Variants in LIMCH1 observed in about 807,000 individuals in gnomAD.
LIMCH1 encodes the protein LIM and calponin homology domains-containing protein 1.
A neutral mutation model predicts 176.5 loss-of-function variants in LIMCH1; 113 were observed. The observed-to-expected ratio is 0.64, with a 90% CI of 0.55 to 0.75. The LOEUF is 0.75. LIMCH1 is among the 30% of genes least tolerant of loss of function. LIMCH1 has a pLI of 0.00. For missense variants in LIMCH1, 1,674 were observed against 1,814.9 expected, an observed-to-expected ratio of 0.92 and a Z score of 1.41; for synonymous variants, 619 against 645.9, an observed-to-expected ratio of 0.96 and a Z score of 0.63.
At chr4:41,677,055 C>T (rs1056146114) in intron 23 of LIMCH1, among the ~76,000 whole-genome samples, 3 of 151,544 alleles carry the variant, frequency 2.0e-5, no homozygotes, top group Non-Finnish European at 4.4e-5. Flanking sequence ...TCCTGCTACT[C>T]GGGAGGTTGA....
intron 19 of LIMCH1, chr4:41,662,009 A>T (rs2094641884): frequency 3.4e-6 from 1 of 296,310 alleles, no homozygotes; most frequent in Non-Finnish European, 6.6e-6. Flanking sequence ...CTTGTTCCTC[A>T]ATATTTTTTT....
chr4:41,363,420 TTTTC>T (rs761729884), intron 1 of LIMCH1, among the ~76,000 whole-genome samples: 5 of 152,210 alleles, frequency 3.3e-5, no homozygotes, highest in African/African-American at 1.2e-4. Flanking sequence ...CATAGGTTTT[TTTTC>T]TTTCTTTCTT....
chr4:41,375,616 C>T (rs1178451522), intron 1 of LIMCH1, among the ~76,000 whole-genome samples: 1 of 152,166 alleles, frequency 6.6e-6, no homozygotes, highest in Non-Finnish European at 1.5e-5. Flanking sequence ...CTAGAAATAG[C>T]AAAACCATGC....
At chr4:41,653,336 TAA>T (rs11288179) in intron 18 of LIMCH1, among the ~76,000 whole-genome samples, 46 of 141,924 alleles carry the variant, frequency 3.2e-4, no homozygotes, top group Middle Eastern at 3.7e-3. Context: ...ATACTCCTGT[TAA>T]AAAAAAAAAA....
intron 1 of LIMCH1, among the ~76,000 whole-genome samples, chr4:41,396,569 A>G (rs573353241): frequency 1.3e-5 from 2 of 151,702 alleles, no homozygotes; most frequent in South Asian, 2.1e-4. Context: ...TTTGCACCTG[A>G]CTTTGATATT....
intron 1 of LIMCH1, among the ~76,000 whole-genome samples, chr4:41,475,498 C>T (rs1489352233): frequency 6.6e-6 from 1 of 152,150 alleles, no homozygotes; most frequent in Non-Finnish European, 1.5e-5. Context: ...AGCATGAATT[C>T]AGCTAAGGTG....
upstream of LIMCH1, among the ~76,000 whole-genome samples, chr4:41,534,399 C>G (rs1187759425): frequency 6.6e-6 from 1 of 152,150 alleles, no homozygotes; most frequent in Non-Finnish European, 1.5e-5. Context: ...TGATGAAATA[C>G]AACAGATAAT....
intron 21 of LIMCH1, among the ~76,000 whole-genome samples, chr4:41,667,413 TGTG>T (rs1311565210): frequency 1.3e-5 from 2 of 150,284 alleles, no homozygotes; most frequent in Non-Finnish European, 3.0e-5. Flanking sequence ...ATGAGAAACG[TGTG>T]TGTGTGTGTA....
At chr4:41,543,413 A>G (rs2078940307) in intron 1 of LIMCH1, among the ~76,000 whole-genome samples, 2 of 152,190 alleles carry the variant, frequency 1.3e-5, no homozygotes, top group Admixed American at 6.5e-5. Context: ...CATAACTTAC[A>G]TTTAAGAAAA....
intron 1 of LIMCH1, among the ~76,000 whole-genome samples, chr4:41,430,079 T>C (rs2061459990): frequency 6.6e-6 from 1 of 152,200 alleles, no homozygotes; most frequent in Admixed American, 6.5e-5. Context: ...ACTAAATTCC[T>C]AATACAGTAT....
intron 1 of LIMCH1, among the ~76,000 whole-genome samples, chr4:41,461,816 G>A (rs1443055306): frequency 6.6e-6 from 1 of 152,190 alleles, no homozygotes; most frequent in African/African-American, 2.4e-5. Context: ...TGCTTTGCAT[G>A]GAAATCATTA....
rs559561645 is a variant in LIMCH1, at chr4:41,386,700, T to C, written c.96+25764T>C. 1.4e-4 allele frequency among the ~76,000 whole-genome samples: 22 copies of C among 152,344 alleles called. 1 individual carries two copies. The South Asian group carries it at 4.3e-3, about 30-fold the overall frequency. On this transcript the variant is annotated intron_variant, in intron 1 of 26. Coordinates refer to the LIMCH1 transcript ENST00000313860. ...CCCAATTTTCCATGACCTGGCGTCA[T>C]GTGGGATACTGAGAGATCACTGACA...
Position 41,572,159 on chromosome 4 carries a change from T to G in LIMCH1, c.-240-26761T>G, listed in dbSNP as rs140362531. On this transcript the variant is annotated intron_variant, in intron 1 of 31. Transcript: ENST00000503057. ...TGAGCTGAATTCTGCTTTGTCAAAC[T>G]TTTCTAAACACTGCTCCATCTGGAA... 8.1e-3 allele frequency among the ~76,000 whole-genome samples: 1,240 copies of G among 152,296 alleles called. 12 individuals carry two copies. Among genetic ancestry groups the G allele is most frequent in the African/African-American group, 0.029 (1,190 of 41,548 alleles).
At chr4:41,595,625 G>A (rs1218566522) in intron 1 of LIMCH1, among the ~76,000 whole-genome samples, 1 of 152,202 alleles carries the variant, frequency 6.6e-6, no homozygotes, top group African/African-American at 2.4e-5. Context: ...AATGCTTGAA[G>A]AGTGTAAGGT....
intron 1 of LIMCH1, among the ~76,000 whole-genome samples, chr4:41,540,093 T>TCA (rs2078425393): frequency 1.3e-5 from 2 of 152,234 alleles, no homozygotes; most frequent in South Asian, 4.1e-4. Context: ...TTGCAGCTTC[T>TCA]CAGTTGTGTG....
chr4:41,558,902 G>C (rs1042364574), intron 1 of LIMCH1, among the ~76,000 whole-genome samples: 6 of 152,142 alleles, frequency 3.9e-5, no homozygotes, highest in Non-Finnish European at 8.8e-5. Context: ...GTTGGATTTT[G>C]AATCTCAGCA....
intron 1 of LIMCH1, among the ~76,000 whole-genome samples, chr4:41,436,618 C>T (rs961236731): frequency 6.6e-6 from 1 of 152,068 alleles, no homozygotes; most frequent in Non-Finnish European, 1.5e-5. Context: ...AATAATGGCA[C>T]CAGGGCAATC....
intron 1 of LIMCH1, among the ~76,000 whole-genome samples, chr4:41,416,471 G>T (rs2154126958): frequency 6.6e-6 from 1 of 151,580 alleles, no homozygotes; most frequent in Non-Finnish European, 1.5e-5. Context: ...GGCCAACATG[G>T]TGAAACCTCA....
chr4:41,489,953 AG>A (rs2070449175), intron 1 of LIMCH1, among the ~76,000 whole-genome samples: 1 of 152,206 alleles, frequency 6.6e-6, no homozygotes. Context: ...CTTTTAATAA[AG>A]TAAGCTAGAG....
Sources: allele counts gnomAD v4.1 joint callset (sites outside exome capture counted in the v4.1 genomes callset), GRCh38; gene constraint gnomAD v4.1.1; transcripts MANE v1.5; gene names NCBI Gene and HGNC (gene_info 2026-07-23, HGNC 2026-07-21).